Variants in LARGE1 observed in about 807,000 individuals in gnomAD.
LARGE1 encodes xylosyl- and glucuronyltransferase LARGE1.
LARGE1 carries 43 observed loss-of-function variants against 87.6 expected under a neutral mutation model. The ratio of observed to expected loss-of-function variants is 0.49; its 90% CI spans 0.38 to 0.63. The LOEUF (loss-of-function observed/expected upper bound fraction) is 0.63. Ranked by LOEUF, LARGE1 falls within the 30% of genes least tolerant of loss-of-function variation. LARGE1 has a pLI of 0.00. For missense variants in LARGE1, 802 were observed against 1,000.2 expected, an observed-to-expected ratio of 0.80 and a Z score of 2.67; for synonymous variants, 434 against 394.6, an observed-to-expected ratio of 1.10 and a Z score of -1.18.
the LARGE1 span, among the ~76,000 whole-genome samples, chr22:33,128,680 C>CAAAACAAAAAAAA: frequency 9.1e-6 from 1 of 110,304 alleles, no homozygotes; most frequent in Non-Finnish European, 1.8e-5. Context: ...GTCTCAAAAA[C>CAAAACAAAAAAAA]AAAAAAAAAA....
At chr22:33,154,192 C>T in the LARGE1 span, among the ~76,000 whole-genome samples, 2 of 151,684 alleles carry the variant, frequency 1.3e-5, no homozygotes, top group Non-Finnish European at 2.9e-5. Context: ...AAGTAAACTC[C>T]TCTTTTATTA....
At position 33,274,381 on chromosome 22, in the gene LARGE1, C is replaced by T; in HGVS notation, c.*46G>A. The T allele has an allele frequency of 1.9e-6, 3 of 1,587,080 alleles. No homozygotes were observed. Among genetic ancestry groups the T allele is most frequent in the Non-Finnish European group, 2.6e-6 (3 of 1,155,320 alleles). ...AGGCCGGGCCCCAAACAGCGAGTGG[C>T]ACTTCCCCTACAGCATGTCTCCCCC... On this transcript the variant is annotated 3_prime_UTR_variant, in exon 15 of 15. Coordinates refer to ENST00000397394, the MANE Select transcript of LARGE1 (RefSeq NM_133642.5).
At chr22:33,891,909 C>CT (rs2065016209) in intron 1 of LARGE1, among the ~76,000 whole-genome samples, 1 of 152,202 alleles carries the variant, frequency 6.6e-6, no homozygotes, top group African/African-American at 2.4e-5. Context: ...AAATCCTAGT[C>CT]TGATAGGATC....
chr22:33,886,650 T>G (rs2064853251), intron 1 of LARGE1, among the ~76,000 whole-genome samples: 8 of 96,568 alleles, frequency 8.3e-5, no homozygotes, highest in African/African-American at 1.6e-4. Context: ...CAGAGTGAGA[T>G]TCTGCCAAAA....
At chr22:33,897,277 C>CA (rs1667473922) in intron 1 of LARGE1, among the ~76,000 whole-genome samples, 1 of 152,200 alleles carries the variant, frequency 6.6e-6, no homozygotes, top group Non-Finnish European at 1.5e-5. Flanking sequence ...CATTCTTTTG[C>CA]AAAAACCCCA....
chr22:33,491,165 C>T (rs771220478), intron 6 of LARGE1, among the ~76,000 whole-genome samples: 3 of 152,252 alleles, frequency 2.0e-5, no homozygotes, highest in African/African-American at 7.2e-5. Context: ...AGTGTTGGTA[C>T]ACAGTATATG....
chr22:33,358,894 A>G (rs931856875), intron 9 of LARGE1, among the ~76,000 whole-genome samples: 7 of 152,092 alleles, frequency 4.6e-5, no homozygotes, highest in African/African-American at 1.7e-4. Flanking sequence ...GCTACTCGGG[A>G]GGCTGAGGCA....
intron 5 of LARGE1, among the ~76,000 whole-genome samples, chr22:33,578,071 C>A (rs1360663794): frequency 6.6e-6 from 1 of 152,170 alleles, no homozygotes; most frequent in Non-Finnish European, 1.5e-5. Context: ...TCAAGCCCTG[C>A]TTCAGAAGAT....
At chr22:33,830,797 A>G (rs3819672) in intron 1 of LARGE1, among the ~76,000 whole-genome samples, 99,158 of 152,136 alleles carry the variant, frequency 0.65, 32,946 homozygotes, top group African/African-American at 0.8. Flanking sequence ...CAGCAGATTC[A>G]GTGTCTGGTG....
At position 33,843,468 on chromosome 22, in the gene LARGE1, T is replaced by A. The variant is rs961975359; in HGVS notation, c.-83+76527A>T. 1.7e-4 allele frequency among the ~76,000 whole-genome samples: 26 copies of A among 149,810 alleles called. No homozygotes were observed. The South Asian group carries it at 5.5e-3, about 32-fold the overall frequency. On this transcript the variant is annotated intron_variant, in intron 1 of 14. Transcript: ENST00000397394. The stretch of plus-strand genomic sequence containing the variant: ...ATAAATAAATAAATAAATAAATAAA[T>A]AAAAATAAAAAATTAAAGAGGTCTC...
chr22:33,176,867 T>C (rs1922901828), intron 11 of LARGE1, among the ~76,000 whole-genome samples: 1 of 152,216 alleles, frequency 6.6e-6, no homozygotes, highest in African/African-American at 2.4e-5. Flanking sequence ...TGTATGTTTA[T>C]TGTGGCACTG....
At chr22:33,256,510 A>G (rs141517151) in intron 11 of LARGE1, among the ~76,000 whole-genome samples, 270 of 152,326 alleles carry the variant, frequency 1.8e-3, no homozygotes, top group African/African-American at 6.1e-3. Flanking sequence ...TTTTCTGGAT[A>G]GCTTGCAACA....
intron 5 of LARGE1, among the ~76,000 whole-genome samples, chr22:33,593,567 C>T (rs748514808): frequency 1.3e-5 from 2 of 152,094 alleles, no homozygotes; most frequent in Non-Finnish European, 1.5e-5. Context: ...GGTATTACCA[C>T]GTAGTGTTAA....
At chr22:33,629,539 A>T (rs952603630) in intron 3 of LARGE1, among the ~76,000 whole-genome samples, 1 of 152,198 alleles carries the variant, frequency 6.6e-6, no homozygotes, top group Non-Finnish European at 1.5e-5. Flanking sequence ...TCACAGTGGC[A>T]TCGACTATGT....
the LARGE1 span, among the ~76,000 whole-genome samples, chr22:33,153,068 C>T: frequency 6.6e-6 from 1 of 152,100 alleles, no homozygotes; most frequent in South Asian, 2.1e-4. Context: ...CAGCAGTTTT[C>T]CTATTTTATT....
the LARGE1 span, among the ~76,000 whole-genome samples, chr22:33,136,616 A>G: frequency 1.3e-5 from 2 of 152,180 alleles, no homozygotes; most frequent in Admixed American, 6.5e-5. Context: ...CACCCTAATC[A>G]TTGCTTGGGA....
intron 5 of LARGE1, among the ~76,000 whole-genome samples, chr22:33,567,736 C>T (rs1489236261): frequency 6.6e-6 from 1 of 152,156 alleles, no homozygotes; most frequent in East Asian, 1.9e-4. Context: ...ATCCAGCAGG[C>T]AATTTCTCAC....
At chr22:33,316,342 T>C in intron 10 of LARGE1, 94 bp from the exon 11 acceptor site, 3 of 1,263,880 alleles carry the variant, frequency 2.4e-6, no homozygotes, top group Admixed American at 3.8e-5. Flanking sequence ...CCTGAGTTTA[T>C]TACCCATCAG....
At chr22:33,781,411 G>T (rs1002449751) in intron 1 of LARGE1, among the ~76,000 whole-genome samples, 1 of 152,178 alleles carries the variant, frequency 6.6e-6, no homozygotes, top group African/African-American at 2.4e-5. Context: ...TGAGGCAGGA[G>T]AATCACCTGA....
Sources: allele counts gnomAD v4.1 joint callset (sites outside exome capture counted in the v4.1 genomes callset), GRCh38; gene constraint gnomAD v4.1.1; transcripts MANE v1.5; gene names NCBI Gene and HGNC (gene_info 2026-07-23, HGNC 2026-07-21).